The following KMO variants were observed in gnomAD, a reference collection of about 807,000 sequenced individuals.
The protein encoded by KMO is kynurenine 3-monooxygenase, also known as kynurenine 3-hydroxylase.
A neutral mutation model predicts 57.8 loss-of-function variants in KMO; 24 were observed. The ratio of observed to expected loss-of-function variants is 0.42; its 90% CI spans 0.30 to 0.58. The LOEUF is 0.58. Among genes scored for constraint, KMO ranks in the 20% least tolerant of loss-of-function variants. KMO has a pLI of 0.22. For synonymous variants in KMO, 210 were observed against 193.6 expected, an observed-to-expected ratio of 1.08 and a Z score of -0.70; for missense variants, 483 against 588.2, an observed-to-expected ratio of 0.82 and a Z score of 1.85.
chr1:241,551,174 G>T, intron 4 of KMO, 130 bp downstream of exon 4: 1 of 602,568 alleles, frequency 1.7e-6, no homozygotes. Context: ...TAGACCCCAG[G>T]AATACAGATA....
intron 4 of KMO, among the ~76,000 whole-genome samples, chr1:241,552,490 C>T: frequency 6.6e-6 from 1 of 152,180 alleles, no homozygotes; most frequent in East Asian, 1.9e-4. Flanking sequence ...AAAGCCATTC[C>T]CATGACTCCG....
At chr1:241,534,421 C>T (rs571571693) in intron 1 of KMO, among the ~76,000 whole-genome samples, 31 of 152,292 alleles carry the variant, frequency 2.0e-4, no homozygotes, top group African/African-American at 4.3e-4. Context: ...CATGTAACCA[C>T]GTCATACATA....
At chr1:241,569,407 T>A (rs1221552979) in intron 10 of KMO, among the ~76,000 whole-genome samples, 1 of 152,102 alleles carries the variant, frequency 6.6e-6, no homozygotes, top group African/African-American at 2.4e-5. Context: ...TAAAAAAGAA[T>A]GTGATAATTT....
intron 4 of KMO, among the ~76,000 whole-genome samples, chr1:241,553,540 T>G (rs535251747): frequency 9.0e-4 from 137 of 151,994 alleles, no homozygotes; most frequent in Non-Finnish European, 1.6e-3. Flanking sequence ...ATTTAAAAAT[T>G]AGCCGGGCAT....
intron 4 of KMO, among the ~76,000 whole-genome samples, chr1:241,551,872 G>C (rs1661403939): frequency 6.6e-6 from 1 of 152,158 alleles, no homozygotes; most frequent in Admixed American, 6.6e-5. Context: ...AATGCAGTCT[G>C]ATTCATTAGG....
At chr1:241,577,044 C>T (rs969488075) in intron 10 of KMO, among the ~76,000 whole-genome samples, 1 of 152,070 alleles carries the variant, frequency 6.6e-6, no homozygotes, top group South Asian at 2.1e-4. Context: ...TGTTCCACTG[C>T]ATTTTGTAAT....
In KMO at chr1:241,593,478, C is replaced by G; in HGVS notation, c.*1325C>G. 3.1e-6 allele frequency: 1 copy of G among 326,422 alleles called. No homozygotes were observed. The highest frequency in any genetic ancestry group is 2.5e-5 in the South Asian group (1 of 39,468). The allele number at this position is 326,422 out of a possible 1,614,324, so 20.2% of individuals were successfully genotyped here. ...AATAAAATGATTCAGTGTTTCTTTT[C>G]TATATTGTCAATGAAAACCTTGAGT... On this transcript the variant is annotated 3_prime_UTR_variant, in exon 15 of 15. Transcript: ENST00000366559.
At chr1:241,552,709 G>T (rs1048365818) in intron 4 of KMO, among the ~76,000 whole-genome samples, 3 of 152,174 alleles carry the variant, frequency 2.0e-5, no homozygotes, top group Non-Finnish European at 4.4e-5. Context: ...CGTTGTGGAT[G>T]GCACGGGCGA....
intron 6 of KMO, chr1:241,561,929 G>T: frequency 2.3e-6 from 1 of 434,234 alleles, no homozygotes; most frequent in East Asian, 4.0e-5. Flanking sequence ...ACACTTCTGT[G>T]GCCTACCAAG....
chr1:241,576,285 G>A (rs781523368), intron 10 of KMO, among the ~76,000 whole-genome samples: 5 of 151,872 alleles, frequency 3.3e-5, no homozygotes, highest in Non-Finnish European at 7.4e-5. Context: ...GATGTGAGGT[G>A]CTGTTTCAGT....
chr1:241,566,510 C>T lies in KMO; in HGVS notation c.707C>T (p.Thr236Ile). The change falls in exon 9 of 15, where the codon ACT (threonine) becomes ATT (isoleucine). Residue 236 changes from threonine to isoleucine, a missense_variant. By Grantham distance (89) the Thr-to-Ile change is moderately conservative. Transcript: ENST00000366559. ...LPNMNKSFTCTLFMPFEEFEK... is the reference protein window; with the variant it reads ...LPNMNKSFTCILFMPFEEFEK... The stretch of plus-strand genomic sequence containing the variant: ...TCACAGAACAAATCATTCACATGTA[C>T]TTTGTTCATGCCCTTTGAAGAGTTT... 1 of 1,613,332 alleles carries T rather than the reference C, an allele frequency of 6.2e-7. No individual in the cohort carries two copies. Among genetic ancestry groups the T allele is most frequent in the Non-Finnish European group, 8.5e-7 (1 of 1,179,600 alleles).
chr1:241,544,997 G>T (rs1486176800), intron 1 of KMO, among the ~76,000 whole-genome samples: 2 of 152,056 alleles, frequency 1.3e-5, no homozygotes, highest in Non-Finnish European at 2.9e-5. Context: ...ACTAAATAGG[G>T]TGTTTACTGG....
intron 8 of KMO, 135 bp from the exon 9 acceptor site, chr1:241,566,356 C>G (rs771749443): frequency 4.2e-6 from 4 of 942,004 alleles, no homozygotes; most frequent in African/African-American, 3.3e-5. Flanking sequence ...AGTGACAGTG[C>G]CTTTCCTGTC....
chr1:241,591,905 G>C, intron 14 of KMO, 48 bp from the exon 15 acceptor site: 1 of 1,500,202 alleles, frequency 6.7e-7, no homozygotes, highest in Admixed American at 1.7e-5. Flanking sequence ...TCTATTTTCA[G>C]ATTTTAATCT....
chr1:241,567,013 A>G lies in KMO; in HGVS notation c.809+401A>G, dbSNP rs11810460. ...ACTTACTAGACACGTAAGCTTTCCC[A>G]TATTCCACTCGTGGGAAAAGGTTGA... On this transcript the variant is annotated intron_variant, in intron 9 of 14. Transcript: ENST00000366559. 2.3e-3 allele frequency among the ~76,000 whole-genome samples: 347 copies of G among 152,292 alleles called. 2 individuals are homozygous for G. Among genetic ancestry groups the G allele is most frequent in the African/African-American group, 7.7e-3 (321 of 41,558 alleles).
At chr1:241,586,191 CTTTTTTTTTTTTT>C (rs386370217) in intron 10 of KMO, among the ~76,000 whole-genome samples, 1 of 80,056 alleles carries the variant, frequency 1.2e-5, no homozygotes, top group Non-Finnish European at 2.3e-5. Flanking sequence ...AGTCTATGGT[CTTTTTTTTTTTTT>C]TTTTTTTTTT....
chr1:241,590,048 C>T lies in KMO; in HGVS notation c.1135C>T (p.Gln379Ter). The T allele has an allele frequency of 1.9e-6, 3 of 1,613,996 alleles. No homozygotes were observed. The highest frequency in any genetic ancestry group is 2.5e-6 in the Non-Finnish European group (3 of 1,179,894). The change falls in exon 13 of 15, where the codon CAG becomes TAG. Residue 379 changes from glutamine (Q) to a stop codon, truncating the protein, a stop_gained. Coordinates refer to ENST00000366559, the MANE Select transcript of KMO (RefSeq NM_003679.5). LOFTEE classifies it high-confidence loss of function. Reference sequence around the variant, plus strand: ...TGTCAACTCAAGCTGGTTCATTTTTCAGAAGAACATGGAGAGATTTCTTCA... The same window carrying T: ...TGTCAACTCAAGCTGGTTCATTTTTTAGAAGAACATGGAGAGATTTCTTCA... ...AHVNSSWFIFQKNMERFLHAI... is the reference protein window; with the variant it reads ...AHVNSSWFIF
At position 241,534,575 on chromosome 1, in the gene KMO, T is replaced by C. The variant is rs545634373; in HGVS notation, c.54+2077T>C. Among the ~76,000 whole-genome samples the C allele has an allele frequency of 1.5e-4, 23 of 152,370 alleles. No individual in the cohort carries two copies. In the South Asian group the frequency reaches 4.8e-3, roughly 32 times the overall value. The stretch of plus-strand genomic sequence containing the variant: ...TCCTATTGTCATTTTGTGCAAACGC[T>C]TATTCTTCTTTCACTCCATCAGTAA... On this transcript the variant is annotated intron_variant, in intron 1 of 14. Coordinates refer to ENST00000366559, the MANE Select transcript of KMO (RefSeq NM_003679.5).
intron 9 of KMO, among the ~76,000 whole-genome samples, chr1:241,567,817 A>C (rs1013489381): frequency 6.6e-6 from 1 of 152,148 alleles, no homozygotes. Context: ...GTGTACTTTC[A>C]AACTGGTTTC....
Sources: gnomAD v4.1 joint callset for allele counts (sites outside exome capture counted in the v4.1 genomes callset) on GRCh38, gnomAD v4.1.1 for gene constraint, MANE v1.5 for transcripts, NCBI Gene and HGNC (gene_info 2026-07-23, HGNC 2026-07-21) for gene names.